The following ALK variants were observed in gnomAD, a reference collection of about 807,000 sequenced individuals.
ALK encodes the protein ALK receptor tyrosine kinase.
In ALK, 74 loss-of-function variants were observed where a neutral mutation model predicts 163.1. The ratio of observed to expected loss-of-function variants is 0.45; its 90% confidence interval spans 0.38 to 0.55. The LOEUF (loss-of-function observed/expected upper bound fraction) is 0.55. ALK is among the 20% of genes least tolerant of loss of function. The pLI is 0.00. For missense variants in ALK, 2,063 were observed against 2,105.3 expected, an observed-to-expected ratio of 0.98 and a Z score of 0.39; for synonymous variants, 960 against 843.2, an observed-to-expected ratio of 1.14 and a Z score of -2.40.
intron 3 of ALK, among the ~76,000 whole-genome samples, chr2:29,543,065 G>A (rs1339520311): frequency 6.6e-6 from 1 of 151,740 alleles, no homozygotes; most frequent in Non-Finnish European, 1.5e-5. Flanking sequence ...AGAAGAAAAA[G>A]CATATAAATT....
At chr2:29,295,030 G>A (rs1394560713) in intron 9 of ALK, among the ~76,000 whole-genome samples, 3 of 152,194 alleles carry the variant, frequency 2.0e-5, no homozygotes, top group Non-Finnish European at 4.4e-5. Context: ...CTCAGAGCAT[G>A]TCAGTGGTAT....
In ALK at chr2:29,532,056, A is replaced by G; in HGVS notation, c.1013T>C (p.Met338Thr). ...TGTGCAGTGCTCACTGCTGCTCCTC[A>G]TCCACGGACTCAGGATGGTGTGCTT... ...DSKHTILSPW[M>T]RSSSEHCTLA... The change falls in exon 4 of 29, where the codon ATG becomes ACG. Residue 338 changes from methionine (M) to threonine (T), a missense_variant. Met to Thr is a moderately conservative substitution (Grantham distance 81). This residue lies in a region of ALK where 987 missense variants were observed against 939.5 expected (regional missense o/e 1.05). Transcript: ENST00000389048. 6.2e-7 allele frequency: 1 copy of G among 1,614,026 alleles called. No individual in the cohort carries two copies. The highest frequency in any genetic ancestry group is 8.5e-7 in the Non-Finnish European group (1 of 1,180,012).
At position 29,308,681 on chromosome 2, in the gene ALK, C is replaced by T. The variant is rs1666602159; in HGVS notation, c.1647+9623G>A. Among the ~76,000 whole-genome samples the T allele has an allele frequency of 2.6e-5, 4 of 152,292 alleles. No individual in the cohort carries two copies. The South Asian group carries it at 6.2e-4, about 24-fold the overall frequency. On this transcript the variant is annotated intron_variant, in intron 8 of 28. Transcript: ENST00000389048. ...ATCTCAGAGCTTCAGCATCTTCTTC[C>T]GTCAAGTGGGGTCAACAGTACCCTG...
chr2:29,798,879 C>A (rs1179061265), intron 1 of ALK, among the ~76,000 whole-genome samples: 1 of 152,174 alleles, frequency 6.6e-6, no homozygotes, highest in African/African-American at 2.4e-5. Context: ...ATGGAGAGGT[C>A]ATCGGTGTGA....
At chr2:29,363,703 A>G (rs182379640) in intron 5 of ALK, among the ~76,000 whole-genome samples, 1 of 152,222 alleles carries the variant, frequency 6.6e-6, no homozygotes, top group Non-Finnish European at 1.5e-5. Flanking sequence ...TTAAAAATCC[A>G]AGTAAGTAAC....
At chr2:29,385,943 G>A (rs894625969) in intron 4 of ALK, among the ~76,000 whole-genome samples, 16 of 152,158 alleles carry the variant, frequency 1.1e-4, no homozygotes, top group African/African-American at 3.9e-4. Context: ...GTCAAAATGT[G>A]TGCACATTTA....
intron 1 of ALK, among the ~76,000 whole-genome samples, chr2:29,853,325 A>C (rs11892027): frequency 0.79 from 120,541 of 152,072 alleles, 47,912 homozygotes; most frequent in Non-Finnish European, 0.82. Flanking sequence ...CACCAGTCTT[A>C]CCCATTTTAG....
rs1463427430 is a variant in ALK, at chr2:29,227,403, A to T, written c.2914+171T>A. Among the ~76,000 whole-genome samples, 1 of 152,040 alleles carries T rather than the reference A, an allele frequency of 6.6e-6. No individual in the cohort carries two copies. The highest frequency in any genetic ancestry group is 1.9e-4 in the East Asian group (1 of 5,178). On this transcript the variant is annotated intron_variant, in intron 17 of 28. Transcript: ENST00000389048. The surrounding 1 kb of genome is among the most constrained non-coding windows in gnomAD (Gnocchi z 4.4). ...TCTGCCTCTGCATTCATATTAAAGC[A>T]CACATCCTGACTTCTGGAAAATGTG... is the stretch of plus-strand genomic sequence containing the variant.
At chr2:29,851,459 G>T (rs944218796) in intron 1 of ALK, among the ~76,000 whole-genome samples, 2 of 151,948 alleles carry the variant, frequency 1.3e-5, no homozygotes, top group African/African-American at 4.8e-5. Flanking sequence ...CCTTCCTCTT[G>T]GTCTGTCTAA....
At chr2:29,734,679 C>A (rs1679844465) in intron 1 of ALK, among the ~76,000 whole-genome samples, 1 of 151,910 alleles carries the variant, frequency 6.6e-6, no homozygotes, top group African/African-American at 2.4e-5. Flanking sequence ...CACAAATATC[C>A]AAATATCAAT....
chr2:29,213,057 T>G (rs1376065275), intron 24 of ALK, among the ~76,000 whole-genome samples: 1 of 152,262 alleles, frequency 6.6e-6, no homozygotes, highest in Non-Finnish European at 1.5e-5. Flanking sequence ...TTTTAATTAT[T>G]ATGAACATGC....
At chr2:29,899,305 G>A (rs1667349003) in intron 1 of ALK, among the ~76,000 whole-genome samples, 1 of 152,176 alleles carries the variant, frequency 6.6e-6, no homozygotes, top group Non-Finnish European at 1.5e-5. Context: ...GGGCCTTCGG[G>A]AAAGATTTTT....
intron 5 of ALK, among the ~76,000 whole-genome samples, chr2:29,359,480 C>T (rs1668338330): frequency 6.6e-6 from 1 of 152,218 alleles, no homozygotes. Context: ...GTTCCTTCTT[C>T]ACTGGGTGCT....
intron 3 of ALK, among the ~76,000 whole-genome samples, chr2:29,646,099 G>C (rs963113056): frequency 9.2e-5 from 14 of 152,056 alleles, no homozygotes; most frequent in African/African-American, 3.1e-4. Context: ...CTTGGCCATT[G>C]TTATGGATTG....
At chr2:29,615,247 TTTGTGAAA>T (rs1461613128) in intron 3 of ALK, among the ~76,000 whole-genome samples, 1 of 152,224 alleles carries the variant, frequency 6.6e-6, no homozygotes, top group Admixed American at 6.5e-5. Context: ...TGCCACCTCC[TTTGTGAAA>T]TTTTCACTGG....
chr2:29,656,801 C>T (rs956284791), intron 3 of ALK, among the ~76,000 whole-genome samples: 7 of 152,102 alleles, frequency 4.6e-5, no homozygotes, highest in Non-Finnish European at 2.9e-5. Flanking sequence ...GTAGACATGG[C>T]GTTTGAAGCT....
At chr2:29,276,538 G>C (rs893820069) in intron 9 of ALK, among the ~76,000 whole-genome samples, 9 of 152,110 alleles carry the variant, frequency 5.9e-5, no homozygotes, top group African/African-American at 1.9e-4. Context: ...GCAGAACAGG[G>C]CGTGGTCTCT....
At chr2:29,632,366 T>C (rs1024537241) in intron 3 of ALK, among the ~76,000 whole-genome samples, 2 of 152,274 alleles carry the variant, frequency 1.3e-5, no homozygotes, top group African/African-American at 2.4e-5. Flanking sequence ...TATTTGGAGA[T>C]AGGGATCTTA....
chr2:29,461,318 T>C (rs771654593), intron 4 of ALK, among the ~76,000 whole-genome samples: 15 of 152,330 alleles, frequency 9.8e-5, no homozygotes, highest in East Asian at 1.9e-4. Context: ...TGAAAGTGGC[T>C]ACACTACACA....
Sources: allele counts gnomAD v4.1 joint callset (sites outside exome capture counted in the v4.1 genomes callset), GRCh38; gene constraint gnomAD v4.1.1; regional missense constraint gnomAD v4.1.1; non-coding constraint Gnocchi (gnomAD v3.1); transcripts MANE v1.5; gene names NCBI Gene and HGNC (gene_info 2026-07-23, HGNC 2026-07-21).